Variants in AUTS2 observed in about 807,000 individuals in gnomAD.
The protein encoded by AUTS2 is autism susceptibility gene 2 protein.
A neutral mutation model predicts 112.4 loss-of-function variants in AUTS2; 17 were observed. The ratio of observed to expected loss-of-function variants is 0.15; its 90% confidence interval spans 0.10 to 0.23. The LOEUF (loss-of-function observed/expected upper bound fraction) is 0.23. Among genes scored for constraint, AUTS2 ranks in the 10% least tolerant of loss-of-function variants. The pLI is 1.00. For synonymous variants in AUTS2, 751 were observed against 702.7 expected (o/e 1.07, Z -1.09); for missense variants, 1,510 against 1,701.6 (o/e 0.89, Z 1.98).
At chr7:70,288,860 A>G (rs1788582860) in intron 4 of AUTS2, among the ~76,000 whole-genome samples, 1 of 152,198 alleles carries the variant, frequency 6.6e-6, no homozygotes, top group Non-Finnish European at 1.5e-5. Flanking sequence ...GAGTAAATTA[A>G]TAGGGCAATT....
rs1806360156 is a variant in AUTS2 at position 70,133,021 on chromosome 7, G to C, written c.625-1515G>C. ...GTCATATGGCTAGTCACTGGTATGA[G>C]AAGTTGTCTCCATGACTACTGTGGA... On this transcript the variant is annotated intron_variant, in intron 3 of 18. Transcript: ENST00000342771. Among the ~76,000 whole-genome samples, 4 of 152,226 alleles carry C rather than the reference G, an allele frequency of 2.6e-5. 1 individual carries two copies. In the South Asian group the frequency reaches 8.3e-4, roughly 32 times the overall value.
chr7:70,296,840 AT>A (rs11309209), intron 4 of AUTS2, among the ~76,000 whole-genome samples: 27,903 of 127,816 alleles, frequency 0.22, 2,439 homozygotes, highest in Middle Eastern at 0.29. Context: ...CTGGGTATAC[AT>A]TTTTTTTTTT....
rs956909204 is a variant in AUTS2, at chr7:70,766,625, T to C, written c.1689+291T>C. ...TGTTGATGGCTAACTTCTTAAAGGGTTGTTTAGTTTTCTTGAACTTCCCGG... is the reference window on the plus strand; with the variant it reads ...TGTTGATGGCTAACTTCTTAAAGGGCTGTTTAGTTTTCTTGAACTTCCCGG... On this transcript the variant is annotated intron_variant, in intron 9 of 18. Transcript: ENST00000342771. This position sits in a 1 kb window ranked among gnomAD's most constrained non-coding sequence, Gnocchi z 4.8. Among the ~76,000 whole-genome samples the C allele has an allele frequency of 6.6e-6, 1 of 152,142 alleles. No homozygotes were observed. Among genetic ancestry groups the C allele is most frequent in the Non-Finnish European group, 1.5e-5 (1 of 68,022 alleles).
At chr7:70,437,665 C>G (rs1390364241) in intron 5 of AUTS2, 1 of 151,968 alleles carries the variant, frequency 6.6e-6, no homozygotes, top group East Asian at 1.9e-4. Context: ...ACTGTGAAAC[C>G]CCGTCTCAAC....
chr7:70,072,819 C>G (rs746906744), intron 2 of AUTS2, among the ~76,000 whole-genome samples: 2 of 152,084 alleles, frequency 1.3e-5, no homozygotes, highest in Admixed American at 1.3e-4. Context: ...TCCATTGTCT[C>G]TTTGAGGATG....
chr7:69,648,677 A>C (rs757194363), intron 1 of AUTS2, among the ~76,000 whole-genome samples: 1 of 152,132 alleles, frequency 6.6e-6, no homozygotes, highest in Non-Finnish European at 1.5e-5. Flanking sequence ...ATTAATTTAG[A>C]TCTCTGACCC....
intron 2 of AUTS2, among the ~76,000 whole-genome samples, chr7:69,917,289 C>CTTTTTTTTT (rs11313164): frequency 2.3e-5 from 3 of 133,298 alleles, no homozygotes; most frequent in African/African-American, 2.8e-5. Context: ...CTTTTTTTTT[C>CTTTTTTTTT]TTTTTTTTTT....
chr7:69,608,524 C>CT (rs1362802561), intron 1 of AUTS2, among the ~76,000 whole-genome samples: 1 of 152,118 alleles, frequency 6.6e-6, no homozygotes, highest in Non-Finnish European at 1.5e-5. Context: ...TTCTAGATCT[C>CT]TTTGTTCAGT....
rs536118737 is a variant in AUTS2, at chr7:69,803,146, G to T, written c.310-96140G>T. Among the ~76,000 whole-genome samples the T allele has an allele frequency of 6.6e-5, 10 of 152,222 alleles. No individual in the cohort carries two copies. The South Asian group carries it at 2.1e-3, about 32-fold the overall frequency. On this transcript the variant is annotated intron_variant, in intron 1 of 18. Coordinates refer to ENST00000342771, the MANE Select transcript of AUTS2 (RefSeq NM_015570.4). The stretch of plus-strand genomic sequence containing the variant: ...CCACAATGGGCAATAATCAGTTTGG[G>T]GTCTCAGCAGAATTATAAATACCTG...
At chr7:70,559,498 C>T (rs1801391822) in intron 5 of AUTS2, among the ~76,000 whole-genome samples, 1 of 151,996 alleles carries the variant, frequency 6.6e-6, no homozygotes, top group Non-Finnish European at 1.5e-5. Context: ...CCACACCCAG[C>T]TAATTTTTGT....
chr7:70,038,736 G>A (rs1198116212), intron 2 of AUTS2, among the ~76,000 whole-genome samples: 2 of 152,056 alleles, frequency 1.3e-5, no homozygotes, highest in African/African-American at 4.8e-5. Flanking sequence ...GTTTGGGAAA[G>A]TGGCATCACT....
At chr7:69,955,655 C>A (rs1028179657) in intron 2 of AUTS2, among the ~76,000 whole-genome samples, 3 of 152,148 alleles carry the variant, frequency 2.0e-5, no homozygotes, top group African/African-American at 7.2e-5. Flanking sequence ...TTAACACCCT[C>A]CCCTTAACAA....
At chr7:69,971,971 A>G (rs903503664) in intron 2 of AUTS2, among the ~76,000 whole-genome samples, 1 of 152,144 alleles carries the variant, frequency 6.6e-6, no homozygotes, top group Non-Finnish European at 1.5e-5. Context: ...TAGTATGTAT[A>G]GTATTTGCGT....
intron 1 of AUTS2, among the ~76,000 whole-genome samples, chr7:69,782,294 T>C (rs2129315004): frequency 6.6e-6 from 1 of 151,698 alleles, no homozygotes; most frequent in South Asian, 2.1e-4. Flanking sequence ...GCCTGGGAGA[T>C]CGAGGCTGGA....
chr7:70,384,329 A>T (rs1365859090), intron 4 of AUTS2, among the ~76,000 whole-genome samples: 3 of 152,224 alleles, frequency 2.0e-5, no homozygotes, highest in Admixed American at 2.0e-4. Context: ...AACATACATC[A>T]TGCAGGCCCA....
chr7:70,254,349 A>G (rs13229686), intron 4 of AUTS2, among the ~76,000 whole-genome samples: 33,247 of 152,170 alleles, frequency 0.22, 3,609 homozygotes, highest in Middle Eastern at 0.32. Flanking sequence ...GCTTTCAAAC[A>G]TAGATTATAT....
rs977630830 is a variant in AUTS2 at position 70,059,827 on chromosome 7, G to A, written c.523-58305G>A. ...AGATTTTTGAGGTAGGAAGTGATAA[G>A]TAATGTCACTCATTTATTTAAGCAG... On this transcript the variant is annotated intron_variant, in intron 2 of 18. Transcript: ENST00000342771. Among the ~76,000 whole-genome samples the A allele has an allele frequency of 2.6e-5, 4 of 152,184 alleles. No homozygotes were observed. The East Asian group carries it at 7.7e-4, about 29-fold the overall frequency.
intron 8 of AUTS2, 145 bp from the exon 9 acceptor site, chr7:70,765,969 G>C: frequency 1.4e-6 from 2 of 1,403,800 alleles, no homozygotes; most frequent in Non-Finnish European, 1.9e-6. Flanking sequence ...CTGCTTCATT[G>C]ATTGCCCCCG....
At chr7:70,276,480 G>A (rs1312306013) in intron 4 of AUTS2, among the ~76,000 whole-genome samples, 4 of 151,490 alleles carry the variant, frequency 2.6e-5, no homozygotes, top group Admixed American at 2.6e-4. Flanking sequence ...CCGGGTTCAA[G>A]TGATTCTCCC....
Sources: allele counts gnomAD v4.1 joint callset (sites outside exome capture counted in the v4.1 genomes callset), GRCh38; gene constraint gnomAD v4.1.1; non-coding constraint Gnocchi (gnomAD v3.1); transcripts MANE v1.5; gene names NCBI Gene and HGNC (gene_info 2026-07-23, HGNC 2026-07-21).